The following MOB1A variants were observed in gnomAD, a reference collection of about 807,000 sequenced individuals.
MOB1A encodes MOB kinase activator 1A.
Under a neutral mutation model 25.1 loss-of-function variants are expected in MOB1A, and 10 were observed. The observed-to-expected ratio is 0.40, with a 90% CI of 0.25 to 0.68. The LOEUF (loss-of-function observed/expected upper bound fraction) is 0.68, where lower values mean the gene tolerates loss of function less well. Ranked by LOEUF, MOB1A falls within the 30% of genes least tolerant of loss-of-function variation. MOB1A has a pLI of 0.40. For missense variants in MOB1A, 177 were observed against 256.3 expected, an observed-to-expected ratio of 0.69 and a Z score of 2.11; for synonymous variants, 81 against 79.5, an observed-to-expected ratio of 1.02 and a Z score of -0.10.
rs1490603274 is a variant in MOB1A at position 74,156,526 on chromosome 2, A to T, written c.*42T>A. 1.5e-6 allele frequency: 2 copies of T among 1,352,206 alleles called. No homozygotes were observed. The highest frequency in any genetic ancestry group is 2.5e-5 in the East Asian group (1 of 39,918). The allele number at this position is 1,352,206 out of a possible 1,614,324, so 83.8% of individuals were successfully genotyped here. A position where few individuals can be genotyped will look rare whatever the true frequency, so the allele number is the denominator to read the frequency against. On this transcript the variant is annotated 3_prime_UTR_variant, in exon 6 of 6. Transcript: ENST00000396049. The stretch of plus-strand genomic sequence containing the variant: ...CAGATAGCAATGAGATAGTTCTAGC[A>T]ATAGATGAAGCAAGGGGGTAACTGT...
chr2:74,162,288 C>G (rs1692995540), intron 4 of MOB1A, among the ~76,000 whole-genome samples: 1 of 152,126 alleles, frequency 6.6e-6, no homozygotes, highest in Non-Finnish European at 1.5e-5. Flanking sequence ...CGAGACCAGC[C>G]TGGCCAACAT....
intron 3 of MOB1A, among the ~76,000 whole-genome samples, chr2:74,166,459 C>T (rs1193101513): frequency 1.3e-5 from 2 of 152,100 alleles, no homozygotes; most frequent in Non-Finnish European, 2.9e-5. Context: ...TCTGTTTATT[C>T]CTATAATAAA....
At position 74,172,713 on chromosome 2, in the gene MOB1A, ATTC is replaced by A. The variant is rs1693329168; in HGVS notation, c.51_53del (p.Lys17del). ...CATACTGATGAGATCCTTCAGGGAT[ATTC>A]TTCTTTGGTTTGAATGTTTTAGAAG... On this transcript the variant is annotated inframe_deletion, in exon 2 of 6. Transcript: ENST00000396049. The A allele has an allele frequency of 1.2e-6, 2 of 1,613,842 alleles. No homozygotes were observed. Among genetic ancestry groups the A allele is most frequent in the Non-Finnish European group, 1.7e-6 (2 of 1,179,862 alleles).
rs1160550109 is a variant in MOB1A, at chr2:74,153,986, C to G, written c.*2582G>C. ...ACCATCCTGGCTAACACGGTGAAAC[C>G]CCATCTCTACTAAAAATACAAAAAA... On this transcript the variant is annotated 3_prime_UTR_variant, in exon 6 of 6. Coordinates refer to ENST00000396049, the MANE Select transcript of MOB1A (RefSeq NM_018221.5). 6 of 152,036 alleles carry G rather than the reference C, an allele frequency of 3.9e-5. No homozygotes were observed. The highest frequency in any genetic ancestry group is 1.5e-4 in the African/African-American group (6 of 41,364). The allele number at this position is 152,036 out of a possible 1,614,324, so 9.4% of individuals were successfully genotyped here.
At chr2:74,164,920 A>C (rs1489649843) in intron 4 of MOB1A, 1 of 176,126 alleles carries the variant, frequency 5.7e-6, no homozygotes, top group Admixed American at 6.2e-5. Flanking sequence ...ACACTGGCAA[A>C]CACAAACAGG....
At chr2:74,158,092 A>G (rs1289248161) in intron 5 of MOB1A, among the ~76,000 whole-genome samples, 1 of 150,678 alleles carries the variant, frequency 6.6e-6, no homozygotes, top group African/African-American at 2.5e-5. Flanking sequence ...AGGCAGGAGA[A>G]CTGCTTGAAC....
chr2:74,172,939 C>G, intron 1 of MOB1A, 187 bp from the exon 2 acceptor site: 1 of 603,348 alleles, frequency 1.7e-6, no homozygotes, highest in Non-Finnish European at 2.9e-6. Context: ...AGTTCAAGAC[C>G]AGCCTGACCA....
intron 1 of MOB1A, among the ~76,000 whole-genome samples, chr2:74,174,609 T>G (rs1693399208): frequency 6.6e-6 from 1 of 152,196 alleles, no homozygotes. Context: ...GGAAAAAATG[T>G]TTTTATTCCT....
intron 4 of MOB1A, 86 bp from the exon 5 acceptor site, chr2:74,159,340 C>CAAA: frequency 8.1e-7 from 1 of 1,233,408 alleles, no homozygotes; most frequent in Non-Finnish European, 1.2e-6. Context: ...CACTTTGTCA[C>CAAA]TCAGGCAGTG....
intron 5 of MOB1A, among the ~76,000 whole-genome samples, chr2:74,157,791 G>A (rs1382958607): frequency 2.6e-5 from 4 of 152,100 alleles, no homozygotes; most frequent in African/African-American, 9.7e-5. Context: ...TTTACAATGG[G>A]AGACTTATTA....
chr2:74,172,548 C>T, intron 2 of MOB1A, 38 bp downstream of exon 2: 1 of 1,580,690 alleles, frequency 6.3e-7, no homozygotes, highest in South Asian at 1.2e-5. Flanking sequence ...TTAGCAAAAC[C>T]TTTCTAGAAA....
At position 74,178,663 on chromosome 2, in the gene MOB1A, G is replaced by A; in HGVS notation, c.12C>T (p.Leu4=). The change falls in exon 1 of 6, where the codon CTC becomes CTT. Residue 4 remains leucine (L), a splice_region_variant and synonymous_variant. Transcript: ENST00000396049. MSF[L]FSSRSSKTFK... Reference sequence around the variant, plus strand: ...GCCCGCGGCCCGACCCCACTCACAAGAGGAAGCTCATCTTCGGTCCTCAGA... The same window carrying A: ...GCCCGCGGCCCGACCCCACTCACAAAAGGAAGCTCATCTTCGGTCCTCAGA... The A allele has an allele frequency of 7.3e-7, 1 of 1,369,056 alleles. No individual in the cohort carries two copies. The allele number at this position is 1,369,056 out of a possible 1,614,324, so 84.8% of individuals were successfully genotyped here.
Position 74,156,317 on chromosome 2 carries a change from A to G in MOB1A, c.*251T>C, listed in dbSNP as rs1347877191. 2.4e-6 allele frequency: 1 copy of G among 416,008 alleles called. No individual in the cohort carries two copies. The highest frequency in any genetic ancestry group is 2.1e-5 in the African/African-American group (1 of 48,020). 25.8% of individuals were successfully genotyped at this position (416,008 alleles called of 1,614,324 possible). ...CTACAGGTTAACCATCACATATTAC[A>G]ACCAAGTATGACTATGTGATAACAA... On this transcript the variant is annotated 3_prime_UTR_variant, in exon 6 of 6. Coordinates refer to ENST00000396049, the MANE Select transcript of MOB1A (RefSeq NM_018221.5).
chr2:74,168,719 CAAAT>C (rs1271211832), intron 2 of MOB1A, among the ~76,000 whole-genome samples: 2 of 152,298 alleles, frequency 1.3e-5, no homozygotes, highest in Middle Eastern at 3.4e-3. Context: ...TCTTAAAAAA[CAAAT>C]AGATTTTTTT....
In MOB1A at chr2:74,156,527, A is replaced by C; in HGVS notation, c.*41T>G. 3 of 1,357,798 alleles carry C rather than the reference A, an allele frequency of 2.2e-6. No homozygotes were observed. Among genetic ancestry groups the C allele is most frequent in the Non-Finnish European group, 3.1e-6 (3 of 970,774 alleles). The allele number at this position is 1,357,798 out of a possible 1,614,324, so 84.1% of individuals were successfully genotyped here. ...AGATAGCAATGAGATAGTTCTAGCA[A>C]TAGATGAAGCAAGGGGGTAACTGTG... On this transcript the variant is annotated 3_prime_UTR_variant, in exon 6 of 6. Coordinates refer to ENST00000396049, the MANE Select transcript of MOB1A (RefSeq NM_018221.5).
chr2:74,159,627 C>G (rs180791525), intron 4 of MOB1A, among the ~76,000 whole-genome samples: 16 of 152,178 alleles, frequency 1.1e-4, no homozygotes, highest in African/African-American at 3.6e-4. Flanking sequence ...CATATAAACA[C>G]ACACATTCAT....
intron 2 of MOB1A, among the ~76,000 whole-genome samples, chr2:74,171,491 G>A (rs975809151): frequency 6.6e-6 from 1 of 152,106 alleles, no homozygotes; most frequent in African/African-American, 2.4e-5. Flanking sequence ...AATAATCAGG[G>A]TGACATATAG....
Position 74,172,713 on chromosome 2 carries a change from A to G in MOB1A, c.54T>C (p.Asn18=), listed in dbSNP as rs568473297. 6.2e-7 allele frequency: 1 copy of G among 1,613,842 alleles called. No homozygotes were observed. Among genetic ancestry groups the G allele is most frequent in the South Asian group, 1.1e-5 (1 of 91,024 alleles). The part of the protein sequence containing the change: ...RSSKTFKPKK[N]IPEGSHQYEL... The stretch of plus-strand genomic sequence containing the variant: ...CATACTGATGAGATCCTTCAGGGAT[A>G]TTCTTCTTTGGTTTGAATGTTTTAG... Residue 18 remains asparagine (N), a synonymous_variant, in exon 2 of 6, where the codon AAT becomes AAC. Coordinates refer to ENST00000396049, the MANE Select transcript of MOB1A (RefSeq NM_018221.5).
intron 1 of MOB1A, among the ~76,000 whole-genome samples, chr2:74,175,644 A>G (rs1371254940): frequency 6.6e-6 from 1 of 152,158 alleles, no homozygotes; most frequent in Non-Finnish European, 1.5e-5. Context: ...AATAGGGAGA[A>G]ACCTAGAAGC....
Sources: allele counts gnomAD v4.1 joint callset (sites outside exome capture counted in the v4.1 genomes callset), GRCh38; gene constraint gnomAD v4.1.1; transcripts MANE v1.5; gene names NCBI Gene and HGNC (gene_info 2026-07-23, HGNC 2026-07-21).